GRM4: variants seen among roughly 807,000 people sequenced by gnomAD.
GRM4 encodes metabotropic glutamate receptor 4.
In GRM4, 28 loss-of-function variants were observed where a neutral mutation model predicts 81.7. That is an observed-to-expected ratio of 0.34 (90% CI 0.25 to 0.47). GRM4 has a LOEUF of 0.47. Among genes scored for constraint, GRM4 ranks in the 20% least tolerant of loss-of-function variants. The pLI, the probability that GRM4 is intolerant of heterozygous loss-of-function variation, is 1.00. For synonymous variants in GRM4, 488 were observed against 528.8 expected (o/e 0.92, Z 1.06); for missense variants, 948 against 1,290.0 (o/e 0.73, Z 4.06).
intron 1 of GRM4, among the ~76,000 whole-genome samples, chr6:34,145,722 C>G (rs1191684117): frequency 6.6e-6 from 1 of 152,202 alleles, no homozygotes; most frequent in Non-Finnish European, 1.5e-5. Flanking sequence ...CGCCCACAGC[C>G]GCTGCTGCAC....
chr6:34,095,600 G>A (rs1581689840), intron 2 of GRM4, among the ~76,000 whole-genome samples: 1 of 152,298 alleles, frequency 6.6e-6, no homozygotes, highest in East Asian at 1.9e-4. Context: ...AGCACTAAGG[G>A]TCAGCTCTTA....
At chr6:34,135,962 G>A (rs1873246) in intron 1 of GRM4, among the ~76,000 whole-genome samples, 54,119 of 152,044 alleles carry the variant, frequency 0.36, 9,899 homozygotes, top group East Asian at 0.48. Flanking sequence ...ATGGAGGAGA[G>A]TCGGCTACTA....
intron 3 of GRM4, among the ~76,000 whole-genome samples, chr6:34,084,039 T>C (rs1314141932): frequency 6.6e-6 from 1 of 152,116 alleles, no homozygotes; most frequent in Non-Finnish European, 1.5e-5. Flanking sequence ...TCTAAACAAG[T>C]AGTTTTCAGT....
At chr6:34,023,476 A>G (rs1419366738) in intron 10 of GRM4, among the ~76,000 whole-genome samples, 1 of 152,066 alleles carries the variant, frequency 6.6e-6, no homozygotes, top group African/African-American at 2.4e-5. Context: ...ATGGCTAGAA[A>G]CTGAGGCATG....
chr6:34,136,526 G>A lies in GRM4; in HGVS notation c.-363-2667C>T, dbSNP rs1419632609. ...TCACACTGGCTTCTCCTTGAGGCCGGAGCACGTCTGGGCTGAGCAGTGCAT... is the reference window on the plus strand; with the variant it reads ...TCACACTGGCTTCTCCTTGAGGCCGAAGCACGTCTGGGCTGAGCAGTGCAT... On this transcript the variant is annotated intron_variant, in intron 1 of 10. Coordinates refer to ENST00000538487, the MANE Select transcript of GRM4 (RefSeq NM_000841.4). The surrounding 1 kb of genome is among the most constrained non-coding windows in gnomAD (Gnocchi z 4.1). Among the ~76,000 whole-genome samples, 2 of 151,278 alleles carry A rather than the reference G, an allele frequency of 1.3e-5. No individual in the cohort carries two copies. The highest frequency in any genetic ancestry group is 3.9e-4 in the East Asian group (2 of 5,112).
rs1771070282 is a variant in GRM4, at chr6:34,152,713, C to T, written c.312+2366G>A. 1.3e-5 allele frequency among the ~76,000 whole-genome samples: 2 copies of T among 152,176 alleles called. No individual in the cohort carries two copies. The highest frequency in any genetic ancestry group is 4.1e-4 in the South Asian group (2 of 4,828). On this transcript the variant is annotated intron_variant, in intron 1 of 8. Coordinates refer to the GRM4 transcript ENST00000374177. This position sits in a 1 kb window ranked among gnomAD's most constrained non-coding sequence, Gnocchi z 4.1. Reference sequence around the variant, plus strand: ...ATTGGATCCGATGCGCTTTTAATTCCCTCCTGGGACATCAGAATGAGGGTA... The same window carrying T: ...ATTGGATCCGATGCGCTTTTAATTCTCTCCTGGGACATCAGAATGAGGGTA...
At chr6:34,146,556 G>C (rs1770937608), upstream of GRM4, among the ~76,000 whole-genome samples, 1 of 152,170 alleles carries the variant, frequency 6.6e-6, no homozygotes, top group African/African-American at 2.4e-5. Context: ...AGCCCTCTTA[G>C]GATTGCAAGA....
chr6:34,044,784 A>G (rs1170333712), intron 6 of GRM4, among the ~76,000 whole-genome samples: 2 of 151,154 alleles, frequency 1.3e-5, no homozygotes, highest in Non-Finnish European at 2.9e-5. Flanking sequence ...ACACATACAC[A>G]CACAGACATA....
At chr6:34,094,803 G>C (rs774404333) in intron 2 of GRM4, among the ~76,000 whole-genome samples, 1 of 152,200 alleles carries the variant, frequency 6.6e-6, no homozygotes, top group Non-Finnish European at 1.5e-5. Flanking sequence ...CAGGGGTTGA[G>C]GGCTCAACCC....
At chr6:34,091,606 C>T (rs1051325662) in intron 3 of GRM4, 6 of 480,214 alleles carry the variant, frequency 1.2e-5, no homozygotes, top group East Asian at 3.6e-5. Context: ...GGAGAGCGGC[C>T]GCCCCGCAGG....
At chr6:34,146,608 G>C (rs142047395), upstream of GRM4, among the ~76,000 whole-genome samples, 3 of 152,318 alleles carry the variant, frequency 2.0e-5, no homozygotes, top group South Asian at 6.2e-4. Context: ...AATTAGAGCC[G>C]TGATGTGTGA....
intron 4 of GRM4, chr6:34,060,082 G>A (rs1013653894): frequency 3.9e-5 from 6 of 152,392 alleles, no homozygotes; most frequent in African/African-American, 1.4e-4. Context: ...CTGTGCAGGA[G>A]GCGGCCAGCT....
Position 34,133,091 on chromosome 6 carries a change from A to G in GRM4, c.406T>C (p.Cys136Arg). 1 of 1,614,072 alleles carries G rather than the reference A, an allele frequency of 6.2e-7. No homozygotes were observed. Among genetic ancestry groups the G allele is most frequent in the Non-Finnish European group, 8.5e-7 (1 of 1,179,966 alleles). ...ATGATGGGTGGGCCGCCACTGCCACAGCGGACCTCTGTGCCATCCTTCTCG... is the reference window on the plus strand; with the variant it reads ...ATGATGGGTGGGCCGCCACTGCCACGGCGGACCTCTGTGCCATCCTTCTCG... ...LIEKDGTEVR[C>R]GSGGPPIITK... is the part of the protein sequence containing the mutation. The change falls in exon 2 of 11, where the codon TGT becomes CGT. Residue 136 changes from cysteine (C) to arginine (R), a missense_variant. By Grantham distance (180) the Cys-to-Arg change is radical. Coordinates refer to ENST00000538487, the MANE Select transcript of GRM4 (RefSeq NM_000841.4). This position sits in a 1 kb window ranked among gnomAD's most constrained non-coding sequence, Gnocchi z 6.5.
chr6:34,110,777 G>GT, intron 2 of GRM4: 1 of 1,439,998 alleles, frequency 6.9e-7, no homozygotes, highest in Non-Finnish European at 9.1e-7. Flanking sequence ...GATCAAAGTG[G>GT]TGCCCCTCCC....
chr6:34,132,356 C>T (rs1183252530), intron 2 of GRM4, among the ~76,000 whole-genome samples: 2 of 152,164 alleles, frequency 1.3e-5, no homozygotes, highest in Non-Finnish European at 2.9e-5. Flanking sequence ...GCTCAGCAGC[C>T]CCACACCCCA....
chr6:34,073,488 C>T (rs1016980546), intron 3 of GRM4, among the ~76,000 whole-genome samples: 4 of 151,866 alleles, frequency 2.6e-5, no homozygotes, highest in East Asian at 1.9e-4. Context: ...CAGTCAGATA[C>T]GCACCACACA....
At position 34,114,268 on chromosome 6, in the gene GRM4, C is replaced by T. The variant is rs921578032; in HGVS notation, c.519+18710G>A. Among the ~76,000 whole-genome samples the T allele has an allele frequency of 6.6e-6, 1 of 152,198 alleles. No homozygotes were observed. The highest frequency in any genetic ancestry group is 2.4e-5 in the African/African-American group (1 of 41,436). ...GTGGGCAAGGACGGTATGCATTTGG[C>T]TCACTCTGCTGCATTCTCAGCCCAA... On this transcript the variant is annotated intron_variant, in intron 2 of 10. Transcript: ENST00000538487. This position sits in a 1 kb window ranked among gnomAD's most constrained non-coding sequence, Gnocchi z 4.3.
intron 6 of GRM4, among the ~76,000 whole-genome samples, chr6:34,046,868 G>A (rs1021366530): frequency 1.3e-5 from 2 of 152,174 alleles, no homozygotes; most frequent in African/African-American, 4.8e-5. Context: ...GGGTGAGCAT[G>A]AGCCACAAAT....
At chr6:34,028,426 C>A (rs963352962) in intron 9 of GRM4, 60 bp from the exon 10 acceptor site, 1 of 1,553,642 alleles carries the variant, frequency 6.4e-7, no homozygotes, top group Non-Finnish European at 8.7e-7. Flanking sequence ...CCCTGACTCC[C>A]GCCAGTTCCC....
Sources: gnomAD v4.1 joint callset for allele counts (sites outside exome capture counted in the v4.1 genomes callset) on GRCh38, gnomAD v4.1.1 for gene constraint, Gnocchi (gnomAD v3.1) non-coding constraint, MANE v1.5 for transcripts, NCBI Gene and HGNC (gene_info 2026-07-23, HGNC 2026-07-21) for gene names.